The following PDGFRB variants were observed in gnomAD, a reference collection of about 807,000 sequenced individuals.
PDGFRB encodes platelet-derived growth factor receptor beta.
PDGFRB carries 42 observed loss-of-function variants against 120.2 expected under a neutral mutation model. The ratio of observed to expected loss-of-function variants is 0.35; its 90% CI spans 0.27 to 0.45. The LOEUF (loss-of-function observed/expected upper bound fraction) is 0.45, where lower values mean the gene tolerates loss of function less well. Ranked by LOEUF, PDGFRB falls within the 20% of genes least tolerant of loss-of-function variation. PDGFRB has a pLI of 1.00. For synonymous variants in PDGFRB, 586 were observed against 606.8 expected (o/e 0.97, Z 0.50); for missense variants, 1,149 against 1,476.3 (o/e 0.78, Z 3.63).
chr5:150,133,325 T>C (rs1417181810), intron 6 of PDGFRB, among the ~76,000 whole-genome samples: 1 of 152,060 alleles, frequency 6.6e-6, no homozygotes, highest in African/African-American at 2.4e-5. Context: ...TAGGTTGAGA[T>C]AGGGTTGGAT....
intron 1 of PDGFRB, among the ~76,000 whole-genome samples, chr5:150,137,880 G>A (rs1160783853): frequency 2.0e-5 from 3 of 152,248 alleles, no homozygotes; most frequent in African/African-American, 7.2e-5. Flanking sequence ...AATGATAGAA[G>A]TAGAAAGAGA....
In PDGFRB at chr5:150,146,756, T is replaced by C. The variant is rs140218065; in HGVS notation, c.-7+8641A>G. Among the ~76,000 whole-genome samples the C allele has an allele frequency of 2.0e-5, 3 of 152,284 alleles. No homozygotes were observed. In the East Asian group the frequency reaches 5.8e-4, roughly 29 times the overall value. Reference sequence around the variant, plus strand: ...AATTCTTGCCCGTCATGCCAGACTGTCTGTCTCCTGACCAGAAACAGTTCT... The same window carrying C: ...AATTCTTGCCCGTCATGCCAGACTGCCTGTCTCCTGACCAGAAACAGTTCT... On this transcript the variant is annotated intron_variant, in intron 1 of 22. Coordinates refer to ENST00000261799, the MANE Select transcript of PDGFRB (RefSeq NM_002609.4).
At position 150,133,759 on chromosome 5, in the gene PDGFRB, C is replaced by G; in HGVS notation, c.761G>C (p.Ser254Thr). Residue 254 changes from serine (S) to threonine (T), a missense_variant and splice_region_variant, in exon 6 of 23, where the codon AGT becomes ACT. Physicochemically the swap from Ser to Thr is moderately conservative, Grantham distance 58 (BLOSUM62 1). Around this residue, in one of 3 missense-constraint regions of PDGFRB, gnomAD observed 879 missense variants for 1,108.6 expected, o/e 0.79. Transcript: ENST00000261799. ...NFEWTYPRKE[S>T]GRLVEPVTDF... ...AGTCACCGGCTCCACCAGCCGCCCA[C>G]TCTGCAGCAACAGGTTGGGCAGGCC... The G allele has an allele frequency of 6.2e-7, 1 of 1,614,028 alleles. No homozygotes were observed. Among genetic ancestry groups the G allele is most frequent in the Non-Finnish European group, 8.5e-7 (1 of 1,179,918 alleles).
intron 1 of PDGFRB, among the ~76,000 whole-genome samples, chr5:150,150,094 T>C (rs1761031114): frequency 6.6e-6 from 1 of 152,170 alleles, no homozygotes; most frequent in Non-Finnish European, 1.5e-5. Context: ...TCCCATTTCT[T>C]GTTGGGACGG....
Position 150,121,768 on chromosome 5 carries a change from T to A in PDGFRB, c.2344+112A>T. The A allele has an allele frequency of 1.2e-6, 1 of 833,724 alleles. No individual in the cohort carries two copies. Among genetic ancestry groups the A allele is most frequent in the African/African-American group, 1.7e-5 (1 of 59,606 alleles). 51.6% of individuals were successfully genotyped at this position (833,724 alleles called of 1,614,324 possible). On this transcript the variant is annotated intron_variant, in intron 16 of 22. Coordinates refer to ENST00000261799, the MANE Select transcript of PDGFRB (RefSeq NM_002609.4). This position sits in a 1 kb window ranked among gnomAD's most constrained non-coding sequence, Gnocchi z 4.1. Reference sequence around the variant, plus strand: ...CAGGTGGCTAGCCTCAATTTCTACATCTATGAAATGGGCACGAGGCTCCCT... The same window carrying A: ...CAGGTGGCTAGCCTCAATTTCTACAACTATGAAATGGGCACGAGGCTCCCT...
chr5:150,154,274 T>C lies in PDGFRB; in HGVS notation c.-7+1123A>G, dbSNP rs1386773371. ...CCACAAGCAGGATGGTGCGCATTCC[T>C]TCTGGGAATTCTGGGATCTGACTGG... On this transcript the variant is annotated intron_variant, in intron 1 of 22. Coordinates refer to ENST00000261799, the MANE Select transcript of PDGFRB (RefSeq NM_002609.4). 2.6e-5 allele frequency among the ~76,000 whole-genome samples: 4 copies of C among 152,220 alleles called. No homozygotes were observed. In the East Asian group the frequency reaches 7.7e-4, roughly 29 times the overall value.
chr5:150,116,324 A>C (rs984854795), intron 22 of PDGFRB, among the ~76,000 whole-genome samples: 3 of 152,186 alleles, frequency 2.0e-5, no homozygotes, highest in African/African-American at 7.2e-5. Flanking sequence ...TTACAGAAGA[A>C]GACACTGGCC....
intron 8 of PDGFRB, 97 bp from the exon 9 acceptor site, chr5:150,130,759 G>A (rs2113904424): frequency 9.6e-7 from 1 of 1,044,670 alleles, no homozygotes; most frequent in South Asian, 1.4e-5. Flanking sequence ...CTCTCTTGGG[G>A]GAGGAGGGCT....
intron 22 of PDGFRB, among the ~76,000 whole-genome samples, chr5:150,117,105 A>G (rs1045677052): frequency 7.9e-5 from 12 of 152,194 alleles, no homozygotes; most frequent in Non-Finnish European, 1.8e-4. Context: ...CCACTTCCCA[A>G]GGCAAAAGAA....
chr5:150,116,042 C>G, intron 22 of PDGFRB, 96 bp from the exon 23 acceptor site: 1 of 1,056,254 alleles, frequency 9.5e-7, no homozygotes, highest in Non-Finnish European at 1.4e-6. Context: ...ACCCCTGCAC[C>G]GTAGGCTTCA....
intron 1 of PDGFRB, among the ~76,000 whole-genome samples, chr5:150,140,506 G>A (rs1024032269): frequency 3.3e-5 from 5 of 152,186 alleles, no homozygotes; most frequent in African/African-American, 1.2e-4. Flanking sequence ...TCCTATTCTG[G>A]CCAGGTTGTA....
chr5:150,121,413 C>T lies in PDGFRB; in HGVS notation c.2345-91G>A, dbSNP rs181486315. The T allele has an allele frequency of 9.1e-6, 7 of 765,894 alleles. No homozygotes were observed. Among genetic ancestry groups the T allele is most frequent in the East Asian group, 4.9e-5 (2 of 40,854 alleles). 47.4% of individuals were successfully genotyped at this position (765,894 alleles called of 1,614,324 possible). Reference sequence around the variant, plus strand: ...TTTGGCTCCTGGGAGACTGAATGTCCAAGACAGGTGGCTACTGATCGTCTA... The same window carrying T: ...TTTGGCTCCTGGGAGACTGAATGTCTAAGACAGGTGGCTACTGATCGTCTA... On this transcript the variant is annotated intron_variant, in intron 16 of 22. Transcript: ENST00000261799. The surrounding 1 kb of genome is among the most constrained non-coding windows in gnomAD (Gnocchi z 4.1).
intron 3 of PDGFRB, among the ~76,000 whole-genome samples, chr5:150,135,306 T>C (rs975249819): frequency 2.0e-5 from 3 of 152,048 alleles, no homozygotes; most frequent in Admixed American, 6.5e-5. Flanking sequence ...AGGGAGCAGA[T>C]TGGAAGCAGC....
chr5:150,134,244 G>A (rs981623339), intron 4 of PDGFRB: 9 of 568,210 alleles, frequency 1.6e-5, no homozygotes, highest in Admixed American at 3.2e-5. Flanking sequence ...CGTTCTAGAA[G>A]GGATAACAGT....
chr5:150,152,532 G>A (rs1010208142), intron 1 of PDGFRB, among the ~76,000 whole-genome samples: 2 of 152,136 alleles, frequency 1.3e-5, no homozygotes, highest in Non-Finnish European at 2.9e-5. Flanking sequence ...TGAATCAAAT[G>A]CAAGAAATGG....
rs1360972085 is a variant in PDGFRB, at chr5:150,120,911, A to T, written c.2563T>A (p.Ser855Thr). The change falls in exon 18 of 23, where the codon TCG (serine) becomes ACG (threonine). Residue 855 changes from serine (S) to threonine (T), a missense_variant. Ser to Thr is a moderately conservative substitution (Grantham distance 58). This residue lies in a region of PDGFRB where 68 missense variants were observed against 153.3 expected (regional missense o/e 0.44). Coordinates refer to ENST00000261799, the MANE Select transcript of PDGFRB (RefSeq NM_002609.4). The surrounding 1 kb of genome is among the most constrained non-coding windows in gnomAD (Gnocchi z 4.3). The stretch of plus-strand genomic sequence containing the variant: ...ACGCTGCCTTTGGAGATGTAATTCG[A>T]GTCCCGCATGATGTCTCGAGCCAGG... ...FGLARDIMRD[S>T]NYISKGSTFL... 6.2e-7 allele frequency: 1 copy of T among 1,614,026 alleles called. No individual in the cohort carries two copies. The highest frequency in any genetic ancestry group is 2.2e-5 in the East Asian group (1 of 44,870).
In PDGFRB at chr5:150,142,894, G is replaced by A. The variant is rs564827850; in HGVS notation, c.-6-5841C>T. Among the ~76,000 whole-genome samples, 6 of 152,252 alleles carry A rather than the reference G, an allele frequency of 3.9e-5. No individual in the cohort carries two copies. The South Asian group carries it at 6.2e-4, about 16-fold the overall frequency. On this transcript the variant is annotated intron_variant, in intron 1 of 22. Coordinates refer to ENST00000261799, the MANE Select transcript of PDGFRB (RefSeq NM_002609.4). ...TATCGTTCACTCTTCTTGTGAAGAC[G>A]TGGAATGACACGGTGCCTACGTGAT...
rs1562038435 is a variant in PDGFRB at position 150,155,513 on chromosome 5, T to A, written c.-123A>T. 3 of 397,388 alleles carry A rather than the reference T, an allele frequency of 7.5e-6. No homozygotes were observed. The highest frequency in any genetic ancestry group is 6.2e-4 in the Middle Eastern group (1 of 1,614). The allele number at this position is 397,388 out of a possible 1,614,324, so 24.6% of individuals were successfully genotyped here. On this transcript the variant is annotated 5_prime_UTR_variant, in exon 1 of 23. Coordinates refer to ENST00000261799, the MANE Select transcript of PDGFRB (RefSeq NM_002609.4). Reference sequence around the variant, plus strand: ...ATCAGAAAGACTGCTGGTCCCAGAGTGGGTAACAGCTGAGTAGAAGGACAG... The same window carrying A: ...ATCAGAAAGACTGCTGGTCCCAGAGAGGGTAACAGCTGAGTAGAAGGACAG...
Position 150,117,538 on chromosome 5 carries a change from GCGCGCGCACACACACA to G in PDGFRB, c.3137+64_3137+79del, listed in dbSNP as rs749053408. 7,074 of 586,060 alleles carry G rather than the reference GCGCGCGCACACACACA, an allele frequency of 0.012. 228 individuals are homozygous for G. In the African/African-American group the frequency reaches 0.15, roughly 12 times the overall value. The allele number at this position is 586,060 out of a possible 1,614,324, so 36.3% of individuals were successfully genotyped here. Reference sequence around the variant, plus strand: ...GAGGCAAACCTGGCAGCGCGCGCGCGCGCGCGCACACACACACACACACACACACACACACACACAC... The same window carrying G: ...GAGGCAAACCTGGCAGCGCGCGCGCGCACACACACACACACACACACACAC... On this transcript the variant is annotated intron_variant, in intron 22 of 22. Coordinates refer to ENST00000261799, the MANE Select transcript of PDGFRB (RefSeq NM_002609.4).
Sources: gnomAD v4.1 joint callset for allele counts (sites outside exome capture counted in the v4.1 genomes callset) on GRCh38, gnomAD v4.1.1 for gene constraint, gnomAD v4.1.1 regional missense constraint, Gnocchi (gnomAD v3.1) non-coding constraint, MANE v1.5 for transcripts, NCBI Gene and HGNC (gene_info 2026-07-23, HGNC 2026-07-21) for gene names.